MAP2K1: variants seen among roughly 807,000 people sequenced by gnomAD.
MAP2K1 encodes the protein dual specificity mitogen-activated protein kinase kinase 1.
Under a neutral mutation model 46.3 loss-of-function variants are expected in MAP2K1, and 16 were observed. The observed-to-expected ratio is 0.35, with a 90% CI of 0.23 to 0.52. MAP2K1 has a LOEUF of 0.52. MAP2K1 is among the 20% of genes least tolerant of loss of function. The pLI, the probability that MAP2K1 is intolerant of heterozygous loss-of-function variation, is 0.94. For missense variants in MAP2K1, 263 were observed against 497.1 expected, an observed-to-expected ratio of 0.53 and a Z score of 4.48; for synonymous variants, 183 against 185.6, an observed-to-expected ratio of 0.99 and a Z score of 0.11.
intron 1 of MAP2K1, among the ~76,000 whole-genome samples, chr15:66,428,288 G>A (rs895072508): frequency 5.0e-5 from 6 of 119,386 alleles, no homozygotes; most frequent in Non-Finnish European, 9.1e-5. Flanking sequence ...GTGTGTGTGT[G>A]TGTGTGTGTG....
chr15:66,444,610 T>G (rs1459424535), intron 4 of MAP2K1, 46 bp from the exon 5 acceptor site: 9 of 1,274,976 alleles, frequency 7.1e-6, no homozygotes, highest in Non-Finnish European at 9.2e-6. Context: ...TGAGTATTTT[T>G]CTTATCACCA....
Position 66,446,525 on chromosome 15 carries a change from T to C in MAP2K1, c.568+1818T>C, listed in dbSNP as rs1457637182. 3.8e-5 allele frequency: 7 copies of C among 184,328 alleles called. No individual in the cohort carries two copies. In the East Asian group the frequency reaches 1.2e-3, roughly 30 times the overall value. 11.4% of individuals were successfully genotyped at this position (184,328 alleles called of 1,614,324 possible). On this transcript the variant is annotated intron_variant, in intron 5 of 10. Transcript: ENST00000307102. ...ATAGTAGGAAGAGTGCTTCAGAATTTGGCACAAACTATGCCACTGGTTCTG... is the reference window on the plus strand; with the variant it reads ...ATAGTAGGAAGAGTGCTTCAGAATTCGGCACAAACTATGCCACTGGTTCTG...
At chr15:66,489,884 C>G (rs971841927) in intron 10 of MAP2K1, 121 bp downstream of exon 10, 1 of 885,544 alleles carries the variant, frequency 1.1e-6, no homozygotes, top group East Asian at 2.4e-5. Context: ...CCAGCTGAGC[C>G]TGGGGCTGCA....
intron 1 of MAP2K1, among the ~76,000 whole-genome samples, chr15:66,433,522 C>T (rs961135828): frequency 6.6e-6 from 1 of 151,776 alleles, no homozygotes. Flanking sequence ...AATCAGTAAC[C>T]TCGGCCTTGC....
rs1194866310 is a variant in MAP2K1 at position 66,444,789 on chromosome 15, T to C, written c.568+82T>C. The C allele has an allele frequency of 3.4e-6, 4 of 1,166,120 alleles. No homozygotes were observed. In the African/African-American group the frequency reaches 6.1e-5, roughly 18 times the overall value. 72.2% of individuals were successfully genotyped at this position (1,166,120 alleles called of 1,614,324 possible). ...GTTGCTTCCTCTTTTTTCTATGTTTTGTTTTCGTGTAAAAGCCTTTTAATA... is the reference window on the plus strand; with the variant it reads ...GTTGCTTCCTCTTTTTTCTATGTTTCGTTTTCGTGTAAAAGCCTTTTAATA... On this transcript the variant is annotated intron_variant, in intron 5 of 10. Coordinates refer to ENST00000307102, the MANE Select transcript of MAP2K1 (RefSeq NM_002755.4).
At position 66,420,855 on chromosome 15, in the gene MAP2K1, GTGTGTA is replaced by G. The variant is rs1567003248; in HGVS notation, c.81-14170_81-14165del. Among the ~76,000 whole-genome samples, 31 of 104,116 alleles carry G rather than the reference GTGTGTA, an allele frequency of 3.0e-4. 5 individuals carry two copies. Among genetic ancestry groups the G allele is most frequent in the African/African-American group, 9.3e-4 (21 of 22,696 alleles). 68.3% of individuals were successfully genotyped at this position (104,116 alleles called of 152,430 possible). ...TGTATATATATGTGTGTATATATAT[GTGTGTA>G]TATATATGTGTGTATATATATGTGT... is the stretch of plus-strand genomic sequence containing the variant. On this transcript the variant is annotated intron_variant, in intron 1 of 10. Transcript: ENST00000307102.
chr15:66,453,129 T>C (rs2047543643), intron 5 of MAP2K1, among the ~76,000 whole-genome samples: 1 of 152,240 alleles, frequency 6.6e-6, no homozygotes, highest in Non-Finnish European at 1.5e-5. Context: ...GTACCTACTA[T>C]GGATCATGCC....
At chr15:66,474,350 C>A (rs556827660) in intron 5 of MAP2K1, among the ~76,000 whole-genome samples, 1 of 152,272 alleles carries the variant, frequency 6.6e-6, no homozygotes, top group East Asian at 1.9e-4. Flanking sequence ...CTGCTGTTAG[C>A]ACCTTTCTTG....
Position 66,428,773 on chromosome 15 carries a change from C to CTTTTTTTTTT in MAP2K1, c.81-6237_81-6228dup, listed in dbSNP as rs1196428468. Among the ~76,000 whole-genome samples the CTTTTTTTTTT allele has an allele frequency of 2.6e-5, 2 of 78,196 alleles. 1 individual carries two copies. The highest frequency in any genetic ancestry group is 1.1e-4 in the African/African-American group (2 of 17,652). The allele number at this position is 78,196 out of a possible 152,430, so 51.3% of individuals were successfully genotyped here. A position where few individuals can be genotyped will look rare whatever the true frequency, so the allele number is the denominator to read the frequency against. ...GTTGCCCTTTTTTGAATTTTCTTTC[C>CTTTTTTTTTT]TTTTTTTTTTTTTTTTTTTTTTTTT... On this transcript the variant is annotated intron_variant, in intron 1 of 10. Coordinates refer to ENST00000307102, the MANE Select transcript of MAP2K1 (RefSeq NM_002755.4).
At chr15:66,443,683 C>T (rs1891781885) in intron 4 of MAP2K1, among the ~76,000 whole-genome samples, 1 of 152,022 alleles carries the variant, frequency 6.6e-6, no homozygotes, top group Non-Finnish European at 1.5e-5. Flanking sequence ...CCAGCCTGGG[C>T]AACATGATGA....
chr15:66,432,959 A>AGTGTGTGTAT (rs1555415890), intron 1 of MAP2K1, among the ~76,000 whole-genome samples: 1 of 131,904 alleles, frequency 7.6e-6, no homozygotes, highest in Non-Finnish European at 1.6e-5. Flanking sequence ...CATCATGCAC[A>AGTGTGTGTAT]GTGTGTGTGT....
chr15:66,491,169 A>C lies in MAP2K1; in HGVS notation c.*554A>C. The stretch of plus-strand genomic sequence containing the variant: ...ATGTAGAACTCAGCAGTTGACATCC[A>C]AATCTAGCCAGAGCCCTTCACTGCC... On this transcript the variant is annotated 3_prime_UTR_variant, in exon 11 of 11. Transcript: ENST00000307102. 1 of 277,056 alleles carries C rather than the reference A, an allele frequency of 3.6e-6. No individual in the cohort carries two copies. Among genetic ancestry groups the C allele is most frequent in the Non-Finnish European group, 6.9e-6 (1 of 144,470 alleles). The allele number at this position is 277,056 out of a possible 1,614,324, so 17.2% of individuals were successfully genotyped here.
chr15:66,441,844 T>C (rs986748006), intron 3 of MAP2K1, among the ~76,000 whole-genome samples: 2 of 152,152 alleles, frequency 1.3e-5, no homozygotes, highest in African/African-American at 2.4e-5. Flanking sequence ...CAGGATACTT[T>C]AGAAAATTTG....
intron 1 of MAP2K1, among the ~76,000 whole-genome samples, chr15:66,397,900 G>C (rs996800439): frequency 5.9e-5 from 9 of 152,156 alleles, no homozygotes; most frequent in Admixed American, 4.6e-4. Context: ...TCAGGAGTTC[G>C]AGACCAGCCT....
intron 5 of MAP2K1, among the ~76,000 whole-genome samples, chr15:66,467,747 G>A (rs1892502783): frequency 6.6e-6 from 1 of 152,218 alleles, no homozygotes. Flanking sequence ...TTTTAGTAGA[G>A]ATGGGGTTTT....
intron 5 of MAP2K1, among the ~76,000 whole-genome samples, chr15:66,479,015 G>T (rs1283519400): frequency 1.3e-5 from 2 of 152,116 alleles, no homozygotes; most frequent in Non-Finnish European, 2.9e-5. Context: ...AGTGTCAGAG[G>T]GCCTGGGATC....
intron 1 of MAP2K1, among the ~76,000 whole-genome samples, chr15:66,413,012 C>T (rs2093415204): frequency 6.6e-6 from 1 of 152,138 alleles, no homozygotes; most frequent in African/African-American, 2.4e-5. Context: ...TCTCGTGCCT[C>T]AGCCTCTAAA....
intron 5 of MAP2K1, among the ~76,000 whole-genome samples, chr15:66,476,256 C>G (rs762952095): frequency 6.6e-6 from 1 of 152,140 alleles, no homozygotes; most frequent in South Asian, 2.1e-4. Flanking sequence ...TGCTGGGGAC[C>G]CTCTCAGCAT....
At chr15:66,421,127 T>G (rs62010190) in intron 1 of MAP2K1, among the ~76,000 whole-genome samples, 1 of 45,402 alleles carries the variant, frequency 2.2e-5, no homozygotes, top group Non-Finnish European at 4.8e-5. Context: ...CACACACACA[T>G]ATATATATAT....
Sources: allele counts gnomAD v4.1 joint callset (sites outside exome capture counted in the v4.1 genomes callset), GRCh38; gene constraint gnomAD v4.1.1; transcripts MANE v1.5; gene names NCBI Gene and HGNC (gene_info 2026-07-23, HGNC 2026-07-21).